The following GPHN variants were observed in gnomAD, a reference collection of about 807,000 sequenced individuals.
GPHN encodes the protein gephyrin.
A neutral mutation model predicts 95.5 loss-of-function variants in GPHN; 17 were observed. The observed-to-expected ratio is 0.18, with a 90% CI of 0.12 to 0.27. The LOEUF is 0.27. Ranked by LOEUF, GPHN falls within the 10% of genes least tolerant of loss-of-function variation. The pLI, the probability that GPHN is intolerant of heterozygous loss-of-function variation, is 1.00. For synonymous variants in GPHN, 320 were observed against 322.5 expected (o/e 0.99, Z 0.08); for missense variants, 660 against 978.1 (o/e 0.67, Z 4.34).
intron 8 of GPHN, among the ~76,000 whole-genome samples, chr14:66,959,706 G>A (rs551153593): frequency 6.6e-4 from 100 of 151,964 alleles, no homozygotes; most frequent in African/African-American, 1.7e-3. Flanking sequence ...ATGTATCTTC[G>A]TGTCAGTCTT....
In GPHN at chr14:67,089,051, G is replaced by A; in HGVS notation, c.1213G>A (p.Val405Ile). Residue 405 changes from valine (V) to isoleucine (I), a missense_variant, in exon 12 of 23, where the codon GTA becomes ATA. Val to Ile is a conservative substitution (Grantham distance 29, BLOSUM62 3). Coordinates refer to ENST00000478722, the MANE Select transcript of GPHN (RefSeq NM_020806.5). Reference sequence around the variant, plus strand: ...CAATTTACCCCCCTTCCCAGCATCAGTAAAAGATGGCTATGCTGTCCGAGG... The same window carrying A: ...CAATTTACCCCCCTTCCCAGCATCAATAAAAGATGGCTATGCTGTCCGAGG... ...KDNLPPFPAS[V>I]KDGYAVRAAD... 6.5e-7 allele frequency: 1 copy of A among 1,548,778 alleles called. No homozygotes were observed. The highest frequency in any genetic ancestry group is 1.4e-5 in the African/African-American group (1 of 73,404).
intron 1 of GPHN, among the ~76,000 whole-genome samples, chr14:66,551,357 C>G (rs973403792): frequency 1.3e-5 from 2 of 152,180 alleles, no homozygotes; most frequent in Non-Finnish European, 2.9e-5. Flanking sequence ...TGTAGCCACT[C>G]ATTCTCTACA....
At chr14:67,609,878 G>A in the GPHN span, among the ~76,000 whole-genome samples, 9 of 147,490 alleles carry the variant, frequency 6.1e-5, no homozygotes, top group East Asian at 1.2e-3. Context: ...TCTTGGCCCT[G>A]GAGAAAGGGC....
intron 16 of GPHN, among the ~76,000 whole-genome samples, chr14:67,119,275 T>C (rs1261711990): frequency 6.6e-6 from 1 of 152,216 alleles, no homozygotes; most frequent in African/African-American, 2.4e-5. Flanking sequence ...GTTTTGCAAG[T>C]TGATGTTTCT....
chr14:67,218,739 C>G, the GPHN span, among the ~76,000 whole-genome samples: 4 of 151,954 alleles, frequency 2.6e-5, no homozygotes, highest in African/African-American at 9.7e-5. Context: ...AGCCATTCTG[C>G]TTGCCCAAGG....
the GPHN span, chr14:67,616,527 T>G: frequency 6.5e-6 from 1 of 153,626 alleles, no homozygotes; most frequent in Non-Finnish European, 1.4e-5. Context: ...TGAATGCTTC[T>G]AAGTACATAC....
chr14:67,699,342 C>T, the GPHN span, among the ~76,000 whole-genome samples: 1 of 151,076 alleles, frequency 6.6e-6, no homozygotes, highest in African/African-American at 2.4e-5. Flanking sequence ...ATCACTTGAG[C>T]CCAGAAGTTC....
At chr14:67,523,576 C>T in the GPHN span, among the ~76,000 whole-genome samples, 1 of 152,192 alleles carries the variant, frequency 6.6e-6, no homozygotes, top group Non-Finnish European at 1.5e-5. Flanking sequence ...AGATTCTACA[C>T]CTCCACGCAG....
chr14:66,910,614 G>T (rs1272543550), intron 5 of GPHN, among the ~76,000 whole-genome samples: 5 of 151,890 alleles, frequency 3.3e-5, no homozygotes, highest in African/African-American at 1.2e-4. Flanking sequence ...ACTTAACATT[G>T]TAATTCAGTA....
rs1457885677 is a variant in GPHN at position 67,181,104 on chromosome 14, A to G, written c.*167A>G. Reference sequence around the variant, plus strand: ...ATTTAAATATCTTTTAAAGAAAAAAACACCTAAAAATAAATCTTAACAGAA... The same window carrying G: ...ATTTAAATATCTTTTAAAGAAAAAAGCACCTAAAAATAAATCTTAACAGAA... On this transcript the variant is annotated 3_prime_UTR_variant, in exon 23 of 23. Transcript: ENST00000478722. 2.8e-6 allele frequency: 2 copies of G among 705,622 alleles called. No individual in the cohort carries two copies. Among genetic ancestry groups the G allele is most frequent in the Non-Finnish European group, 4.7e-6 (2 of 426,192 alleles). 43.7% of individuals were successfully genotyped at this position (705,622 alleles called of 1,614,324 possible).
rs547445778 is a variant in GPHN at position 66,944,126 on chromosome 14, A to C, written c.828+19834A>C. 3.9e-5 allele frequency among the ~76,000 whole-genome samples: 6 copies of C among 152,374 alleles called. No homozygotes were observed. In the South Asian group the frequency reaches 1.2e-3, roughly 32 times the overall value. On this transcript the variant is annotated intron_variant, in intron 8 of 22. Transcript: ENST00000478722. ...ACCTATAATTTGAATATCCACTTTTAATTAAGCCGAGCACTCTTTTTAAGA... is the reference window on the plus strand; with the variant it reads ...ACCTATAATTTGAATATCCACTTTTCATTAAGCCGAGCACTCTTTTTAAGA...
At chr14:67,665,841 A>T in the GPHN span, among the ~76,000 whole-genome samples, 149 of 152,108 alleles carry the variant, frequency 9.8e-4, 1 homozygote, top group African/African-American at 3.4e-3. Context: ...CACAAAACCC[A>T]TGGCTGTTTG....
chr14:67,526,856 C>T, the GPHN span, among the ~76,000 whole-genome samples: 2 of 152,082 alleles, frequency 1.3e-5, no homozygotes, highest in Non-Finnish European at 2.9e-5. Context: ...AACTCACCCC[C>T]TTTTACAAAG....
chr14:67,596,331 G>A, the GPHN span, among the ~76,000 whole-genome samples: 24 of 124,100 alleles, frequency 1.9e-4, no homozygotes, highest in Non-Finnish European at 2.5e-4. Context: ...AGTAGAGATG[G>A]GGTTTCACTA....
chr14:66,638,755 G>A (rs1360467185), intron 1 of GPHN, among the ~76,000 whole-genome samples: 3 of 151,504 alleles, frequency 2.0e-5, no homozygotes, highest in African/African-American at 4.9e-5. Context: ...TAATGAAAAA[G>A]TTATGAAAAT....
At chr14:67,367,618 C>T in the GPHN span, among the ~76,000 whole-genome samples, 2 of 137,898 alleles carry the variant, frequency 1.5e-5, no homozygotes, top group African/African-American at 6.1e-5. Flanking sequence ...GGGCACGTTG[C>T]GTGAACTCAC....
chr14:66,882,348 A>T (rs963700664), intron 5 of GPHN, among the ~76,000 whole-genome samples: 2 of 151,808 alleles, frequency 1.3e-5, no homozygotes, highest in African/African-American at 4.8e-5. Flanking sequence ...AGGTAAATTA[A>T]TGCATCAAGT....
the GPHN span, among the ~76,000 whole-genome samples, chr14:67,627,480 A>G: frequency 1.3e-5 from 2 of 152,118 alleles, no homozygotes; most frequent in Non-Finnish European, 1.5e-5. Flanking sequence ...TTGAAAAGAG[A>G]TGAAACTGGC....
chr14:66,701,530 A>G (rs561667934), intron 2 of GPHN, among the ~76,000 whole-genome samples: 1 of 152,278 alleles, frequency 6.6e-6, no homozygotes, highest in African/African-American at 2.4e-5. Context: ...AGGAAGAGCA[A>G]TGTGGTGTGG....
Sources: gnomAD v4.1 joint callset for allele counts (sites outside exome capture counted in the v4.1 genomes callset) on GRCh38, gnomAD v4.1.1 for gene constraint, MANE v1.5 for transcripts, NCBI Gene and HGNC (gene_info 2026-07-23, HGNC 2026-07-21) for gene names.